ERC1: variants seen among roughly 807,000 people sequenced by gnomAD.
The protein encoded by ERC1 is RAB6 interacting protein 2.
A neutral mutation model predicts 132.0 loss-of-function variants in ERC1; 56 were observed. The observed-to-expected ratio is 0.42, with a 90% confidence interval of 0.34 to 0.53. The LOEUF (loss-of-function observed/expected upper bound fraction) is 0.53. ERC1 is among the 20% of genes least tolerant of loss of function. The probability of loss-of-function intolerance (pLI) is 0.03; values close to 1 mark genes in which losing one functional copy is unlikely to be tolerated. For missense variants in ERC1, 1,202 were observed against 1,349.9 expected (o/e 0.89, Z 1.72); for synonymous variants, 478 against 476.1 (o/e 1.00, Z -0.05).
chr12:1,079,973 A>G (rs1941950246), intron 2 of ERC1, among the ~76,000 whole-genome samples: 1 of 152,262 alleles, frequency 6.6e-6, no homozygotes, highest in Non-Finnish European at 1.5e-5. Context: ...TTTGTGATCC[A>G]GCAATTCCAT....
At position 1,255,472 on chromosome 12, in the gene ERC1, T is replaced by C. The variant is rs377182032; in HGVS notation, c.2488-7562T>C. Among the ~76,000 whole-genome samples the C allele has an allele frequency of 2.0e-5, 3 of 152,104 alleles. No homozygotes were observed. In the South Asian group the frequency reaches 6.2e-4, roughly 32 times the overall value. On this transcript the variant is annotated intron_variant, in intron 13 of 18. Transcript: ENST00000360905. Reference sequence around the variant, plus strand: ...TTGGGGTATATACCCAGTAATGGGATTGCCGGGTCAAATGGTATTTCTAGT... The same window carrying C: ...TTGGGGTATATACCCAGTAATGGGACTGCCGGGTCAAATGGTATTTCTAGT...
intron 14 of ERC1, among the ~76,000 whole-genome samples, chr12:1,288,361 G>A (rs982125353): frequency 1.3e-5 from 2 of 151,978 alleles, no homozygotes; most frequent in African/African-American, 2.4e-5. Context: ...GTGATCCACC[G>A]GCCTTGGCCT....
chr12:1,365,808 A>C (rs1417882681), intron 15 of ERC1, among the ~76,000 whole-genome samples: 1 of 152,232 alleles, frequency 6.6e-6, no homozygotes, highest in Non-Finnish European at 1.5e-5. Flanking sequence ...TACCTGAAAG[A>C]TAGACACAAC....
intron 18 of ERC1, among the ~76,000 whole-genome samples, chr12:1,471,511 A>T (rs2093861053): frequency 6.6e-6 from 1 of 152,262 alleles, no homozygotes; most frequent in African/African-American, 2.4e-5. Flanking sequence ...TTTTGTCCAG[A>T]TAACGGTTTA....
intron 18 of ERC1, among the ~76,000 whole-genome samples, chr12:1,472,309 T>G (rs1489948827): frequency 6.6e-6 from 1 of 152,140 alleles, no homozygotes; most frequent in African/African-American, 2.4e-5. Context: ...TTTGTTTTGT[T>G]TTTAACCTTT....
intron 15 of ERC1, among the ~76,000 whole-genome samples, chr12:1,347,851 C>G (rs144357215): frequency 0.012 from 1,834 of 152,148 alleles, 35 homozygotes; most frequent in African/African-American, 0.042. Flanking sequence ...GGGGTGGTGG[C>G]GCATGCCTAT....
chr12:1,387,309 G>A (rs186694593), intron 16 of ERC1, among the ~76,000 whole-genome samples: 27 of 152,276 alleles, frequency 1.8e-4, no homozygotes, highest in Middle Eastern at 3.4e-3. Flanking sequence ...CTGGAATGGG[G>A]TGAACCTATG....
chr12:1,078,872 C>T (rs559855907), intron 2 of ERC1, among the ~76,000 whole-genome samples: 66 of 123,948 alleles, frequency 5.3e-4, no homozygotes, highest in African/African-American at 1.7e-3. Context: ...TGACAAAAGT[C>T]GATATACAAA....
chr12:1,456,867 A>G (rs2093548196), intron 18 of ERC1, among the ~76,000 whole-genome samples: 1 of 152,088 alleles, frequency 6.6e-6, no homozygotes, highest in Non-Finnish European at 1.5e-5. Context: ...TCCCATCCCC[A>G]TAATTCTAAT....
chr12:1,260,567 T>A (rs2077079485), intron 13 of ERC1, among the ~76,000 whole-genome samples: 1 of 152,228 alleles, frequency 6.6e-6, no homozygotes, highest in African/African-American at 2.4e-5. Flanking sequence ...TTTATTAAAT[T>A]AAATAGGAGA....
chr12:1,292,364 C>T (rs772085932), intron 15 of ERC1, among the ~76,000 whole-genome samples: 1 of 151,868 alleles, frequency 6.6e-6, no homozygotes, highest in East Asian at 1.9e-4. Flanking sequence ...ATGAAACCAA[C>T]GAGTAGAAGT....
chr12:1,286,400 C>T (rs776277657), intron 14 of ERC1, among the ~76,000 whole-genome samples: 1 of 151,602 alleles, frequency 6.6e-6, no homozygotes, highest in African/African-American at 2.4e-5. Flanking sequence ...ATTTAACATT[C>T]ATTTATAATT....
intron 1 of ERC1, among the ~76,000 whole-genome samples, chr12:1,026,096 A>G (rs1396364281): frequency 6.6e-6 from 1 of 152,170 alleles, no homozygotes; most frequent in Non-Finnish European, 1.5e-5. Context: ...GCACCCTGCC[A>G]GGAAAGAGGT....
At chr12:1,327,727 G>T (rs561301891) in intron 15 of ERC1, among the ~76,000 whole-genome samples, 2 of 152,226 alleles carry the variant, frequency 1.3e-5, no homozygotes, top group South Asian at 4.2e-4. Context: ...TACACAAGTG[G>T]TTTACTCTAG....
chr12:1,224,315 A>G (rs1176612769), intron 12 of ERC1, among the ~76,000 whole-genome samples: 2 of 144,448 alleles, frequency 1.4e-5, no homozygotes, highest in East Asian at 3.9e-4. Flanking sequence ...TAGGCAAGAG[A>G]TTGATTTAAT....
chr12:1,383,105 G>A (rs1458308496), intron 16 of ERC1, among the ~76,000 whole-genome samples: 1 of 151,908 alleles, frequency 6.6e-6, no homozygotes, highest in South Asian at 2.1e-4. Context: ...CTTTCCTATC[G>A]TCAAACTGCT....
chr12:1,474,533 T>C (rs564580230), intron 18 of ERC1, among the ~76,000 whole-genome samples: 5 of 152,348 alleles, frequency 3.3e-5, no homozygotes, highest in African/African-American at 9.6e-5. Flanking sequence ...CTGGTAGCTC[T>C]CTCTAACATC....
In ERC1 at chr12:1,220,963, CT is replaced by C. The variant is rs372549165; in HGVS notation, c.2352-15803del. ...CTTCACATCTTTGCTTAGCTGTTGCCTTTGCAGTGGAGCCTTTCCTGAGCAC... is the reference window on the plus strand; with the variant it reads ...CTTCACATCTTTGCTTAGCTGTTGCCTTGCAGTGGAGCCTTTCCTGAGCAC... On this transcript the variant is annotated intron_variant, in intron 12 of 18. Coordinates refer to ENST00000360905, the MANE Select transcript of ERC1 (RefSeq NM_178040.4). 1.7e-3 allele frequency among the ~76,000 whole-genome samples: 258 copies of C among 152,322 alleles called. 1 individual carries two copies. The highest frequency in any genetic ancestry group is 4.6e-3 in the Admixed American group (71 of 15,294).
chr12:1,487,473 G>A (rs1239832368), intron 18 of ERC1, among the ~76,000 whole-genome samples: 3 of 141,586 alleles, frequency 2.1e-5, no homozygotes, highest in Non-Finnish European at 3.0e-5. Flanking sequence ...AGGAGGCCGA[G>A]GCAGGAGGAT....
Sources: gnomAD v4.1 joint callset for allele counts (sites outside exome capture counted in the v4.1 genomes callset) on GRCh38, gnomAD v4.1.1 for gene constraint, MANE v1.5 for transcripts, NCBI Gene and HGNC (gene_info 2026-07-23, HGNC 2026-07-21) for gene names.